ZNF804A: variants seen among roughly 807,000 people sequenced by gnomAD.
ZNF804A encodes zinc finger protein 804A.
ZNF804A carries 2 observed loss-of-function variants against 16.5 expected under a neutral mutation model. The ratio of observed to expected loss-of-function variants is 0.12; its 90% CI spans 0.05 to 0.38. ZNF804A has a LOEUF of 0.38. Ranked by LOEUF, ZNF804A falls within the 10% of genes least tolerant of loss-of-function variation. The pLI, the probability that ZNF804A is intolerant of heterozygous loss-of-function variation, is 0.99. For missense variants in ZNF804A, 1,473 were observed against 1,390.7 expected (o/e 1.06, Z -0.94); for synonymous variants, 534 against 489.6 (o/e 1.09, Z -1.20).
intron 1 of ZNF804A, among the ~76,000 whole-genome samples, chr2:184,730,371 A>T (rs2105747054): frequency 6.6e-6 from 1 of 152,292 alleles, no homozygotes; most frequent in Non-Finnish European, 1.5e-5. Flanking sequence ...ACGAATATAC[A>T]CAGACACATC....
At chr2:184,675,449 T>C (rs1043331267) in intron 1 of ZNF804A, among the ~76,000 whole-genome samples, 8 of 151,804 alleles carry the variant, frequency 5.3e-5, no homozygotes, top group African/African-American at 1.9e-4. Flanking sequence ...ATATTTTATT[T>C]AATTTTCTTG....
intron 1 of ZNF804A, among the ~76,000 whole-genome samples, chr2:184,601,076 G>A (rs11889029): frequency 0.017 from 2,549 of 152,100 alleles, 81 homozygotes; most frequent in African/African-American, 0.058. Context: ...TTTTAAAACG[G>A]CCCAAGTTTG....
At chr2:184,821,479 A>C (rs1695081727) in intron 1 of ZNF804A, among the ~76,000 whole-genome samples, 1 of 152,156 alleles carries the variant, frequency 6.6e-6, no homozygotes, top group African/African-American at 2.4e-5. Context: ...AAATCTACGC[A>C]ATGCCATTCA....
At chr2:184,777,668 A>AT (rs1483956832) in intron 1 of ZNF804A, among the ~76,000 whole-genome samples, 1 of 151,720 alleles carries the variant, frequency 6.6e-6, no homozygotes, top group Admixed American at 6.6e-5. Context: ...CTGTTGATCA[A>AT]GTTTTAAAAA....
intron 1 of ZNF804A, among the ~76,000 whole-genome samples, chr2:184,844,178 C>T (rs1310184425): frequency 3.3e-5 from 5 of 151,432 alleles, no homozygotes; most frequent in African/African-American, 1.2e-4. Context: ...AATTATACCC[C>T]CCCCCATTTC....
chr2:184,855,732 G>T (rs193079388), intron 1 of ZNF804A, among the ~76,000 whole-genome samples: 1 of 151,814 alleles, frequency 6.6e-6, no homozygotes, highest in Non-Finnish European at 1.5e-5. Context: ...CATGATGGAC[G>T]CCATATATTC....
chr2:184,904,042 C>T (rs1486479541), intron 2 of ZNF804A, among the ~76,000 whole-genome samples: 1 of 151,940 alleles, frequency 6.6e-6, no homozygotes, highest in Non-Finnish European at 1.5e-5. Flanking sequence ...ATAAAATCAA[C>T]ATATAAAAAT....
intron 1 of ZNF804A, among the ~76,000 whole-genome samples, chr2:184,604,788 T>C (rs1691115273): frequency 6.6e-6 from 1 of 152,188 alleles, no homozygotes; most frequent in East Asian, 1.9e-4. Context: ...GAAATATTTC[T>C]ATCGTTATAT....
intron 1 of ZNF804A, among the ~76,000 whole-genome samples, chr2:184,808,970 T>C (rs978174547): frequency 5.3e-5 from 8 of 152,000 alleles, no homozygotes; most frequent in South Asian, 2.1e-4. Flanking sequence ...TAGGATGTTA[T>C]AAAATATTGA....
chr2:184,749,648 A>G (rs1220228212), intron 1 of ZNF804A, among the ~76,000 whole-genome samples: 1 of 151,288 alleles, frequency 6.6e-6, no homozygotes, highest in Non-Finnish European at 1.5e-5. Context: ...TAACAGTATA[A>G]TAAAAGTAGC....
In ZNF804A at chr2:184,598,910, G is replaced by C; in HGVS notation, c.-50G>C. The C allele has an allele frequency of 7.5e-7, 1 of 1,328,272 alleles. No homozygotes were observed. The highest frequency in any genetic ancestry group is 1.0e-6 in the Non-Finnish European group (1 of 963,460). 82.3% of individuals were successfully genotyped at this position (1,328,272 alleles called of 1,614,324 possible). ...GCCCCGGCGCGCTGCGGCTGTGGGCGCGGGGTGCGTGGAAGCGGCGGCTGC... is the reference window on the plus strand; with the variant it reads ...GCCCCGGCGCGCTGCGGCTGTGGGCCCGGGGTGCGTGGAAGCGGCGGCTGC... On this transcript the variant is annotated 5_prime_UTR_variant, in exon 1 of 4. Transcript: ENST00000302277.
intron 1 of ZNF804A, among the ~76,000 whole-genome samples, chr2:184,704,598 T>A (rs1692991455): frequency 6.6e-6 from 1 of 152,162 alleles, no homozygotes; most frequent in African/African-American, 2.4e-5. Context: ...AGTCCTAGGT[T>A]TTTGAAATCC....
At chr2:184,935,495 G>C (rs1175183838) in intron 3 of ZNF804A, among the ~76,000 whole-genome samples, 1 of 152,128 alleles carries the variant, frequency 6.6e-6, no homozygotes, top group Non-Finnish European at 1.5e-5. Context: ...CATGAAGGTA[G>C]ACAATTTTGG....
At position 184,937,772 on chromosome 2, in the gene ZNF804A, A is replaced by C. The variant is rs1685817568; in HGVS notation, c.2376A>C (p.Pro792=). Residue 792 remains proline (P), a synonymous_variant, in exon 4 of 4, where the codon CCA becomes CCC. Coordinates refer to ENST00000302277, the MANE Select transcript of ZNF804A (RefSeq NM_194250.2). ...GTTTAAATCGACAGAATCATTTACC[A>C]GAAGAATTTTTGAGGCCACCAAGTA... ...DESLNRQNHL[P]EEFLRPPSTS... 17 of 1,613,912 alleles carry C rather than the reference A, an allele frequency of 1.1e-5. No individual in the cohort carries two copies. Among genetic ancestry groups the C allele is most frequent in the Non-Finnish European group, 1.4e-5 (17 of 1,179,976 alleles).
chr2:184,804,349 A>G (rs1034977044), intron 1 of ZNF804A, among the ~76,000 whole-genome samples: 8 of 152,130 alleles, frequency 5.3e-5, no homozygotes, highest in Non-Finnish European at 1.2e-4. Context: ...CCAACCAGAG[A>G]CAGTATATTT....
chr2:184,842,402 G>C (rs1695451702), intron 1 of ZNF804A, among the ~76,000 whole-genome samples: 2 of 152,088 alleles, frequency 1.3e-5, no homozygotes, highest in South Asian at 4.1e-4. Flanking sequence ...ACAGTGTCAT[G>C]CTTGCTTTTT....
intron 1 of ZNF804A, among the ~76,000 whole-genome samples, chr2:184,600,811 G>A (rs1057267300): frequency 6.6e-6 from 1 of 152,150 alleles, no homozygotes; most frequent in Non-Finnish European, 1.5e-5. Flanking sequence ...TGATGTGTTT[G>A]TTGTGTGTTT....
intron 1 of ZNF804A, among the ~76,000 whole-genome samples, chr2:184,604,146 CTTTTTTTTTTTTTTTTTTTTTTTTTTT>C (rs759053144): frequency 2.9e-4 from 13 of 44,900 alleles, no homozygotes; most frequent in African/African-American, 7.0e-4. Context: ...ACTGCAATTA[CTTTTTTTTTTTTTTTTTTTTTTTTTTT>C]TTTTTTTTTT....
intron 1 of ZNF804A, among the ~76,000 whole-genome samples, chr2:184,762,027 G>A (rs1423548090): frequency 2.0e-5 from 3 of 151,944 alleles, no homozygotes; most frequent in South Asian, 2.1e-4. Context: ...CTGACGTATA[G>A]CTTAGATGCT....
Sources: gnomAD v4.1 joint callset for allele counts (sites outside exome capture counted in the v4.1 genomes callset) on GRCh38, gnomAD v4.1.1 for gene constraint, MANE v1.5 for transcripts, NCBI Gene and HGNC (gene_info 2026-07-23, HGNC 2026-07-21) for gene names.